GRM5: variants seen among roughly 807,000 people sequenced by gnomAD.
The protein encoded by GRM5 is glutamate metabotropic receptor 5.
GRM5 carries 19 observed loss-of-function variants against 83.1 expected under a neutral mutation model. The ratio of observed to expected loss-of-function variants is 0.23; its 90% CI spans 0.16 to 0.34. The LOEUF is 0.34. Among genes scored for constraint, GRM5 ranks in the 10% least tolerant of loss-of-function variants. The pLI, the probability that GRM5 is intolerant of heterozygous loss-of-function variation, is 1.00. For missense variants in GRM5, 1,160 were observed against 1,588.3 expected, an observed-to-expected ratio of 0.73 and a Z score of 4.58; for synonymous variants, 675 against 633.6, an observed-to-expected ratio of 1.07 and a Z score of -0.98.
At chr11:88,550,116 TAGAAGA>T (rs1159661695) in intron 8 of GRM5, among the ~76,000 whole-genome samples, 2 of 151,888 alleles carry the variant, frequency 1.3e-5, no homozygotes, top group African/African-American at 4.8e-5. Flanking sequence ...AGAGAAGAAA[TAGAAGA>T]AGAAGAAGAA....
At chr11:88,989,453 A>G (rs11517537) in intron 2 of GRM5, among the ~76,000 whole-genome samples, 5,945 of 75,090 alleles carry the variant, frequency 0.079, 458 homozygotes, top group Middle Eastern at 0.24. Context: ...ACAGATCAAC[A>G]AGACAGAAAG....
At chr11:88,986,590 T>G (rs1455670111) in intron 2 of GRM5, among the ~76,000 whole-genome samples, 1 of 151,010 alleles carries the variant, frequency 6.6e-6, no homozygotes, top group Admixed American at 6.6e-5. Flanking sequence ...CTTACACATT[T>G]TTGGTATTAA....
At chr11:88,688,296 T>C (rs1467519384) in intron 3 of GRM5, among the ~76,000 whole-genome samples, 2 of 152,210 alleles carry the variant, frequency 1.3e-5, no homozygotes, top group Non-Finnish European at 2.9e-5. Context: ...ATATAATCTC[T>C]TTCAATTTTC....
intron 3 of GRM5, among the ~76,000 whole-genome samples, chr11:88,702,969 A>G (rs1419506987): frequency 6.6e-6 from 1 of 152,118 alleles, no homozygotes; most frequent in East Asian, 1.9e-4. Flanking sequence ...TGTTTAAGCC[A>G]TTCGATCGGT....
chr11:88,921,077 G>GT (rs33919966), intron 2 of GRM5, among the ~76,000 whole-genome samples: 93,593 of 150,808 alleles, frequency 0.62, 29,380 homozygotes, highest in South Asian at 0.76. Flanking sequence ...AGACCACTGC[G>GT]TTTTTTTTTA....
intron 2 of GRM5, among the ~76,000 whole-genome samples, chr11:88,980,160 G>A (rs1440598597): frequency 1.3e-5 from 2 of 152,068 alleles, no homozygotes; most frequent in Admixed American, 6.5e-5. Context: ...TTGCCTCCTA[G>A]TTTTATAATT....
At chr11:88,987,266 CG>C (rs896031906) in intron 2 of GRM5, among the ~76,000 whole-genome samples, 2 of 152,098 alleles carry the variant, frequency 1.3e-5, no homozygotes, top group Admixed American at 1.3e-4. Flanking sequence ...CCTGGAAAAT[CG>C]GGTCACTCCC....
chr11:89,009,929 A>AAAAC lies in GRM5; in HGVS notation c.661+37282_661+37283insGTTT, dbSNP rs752780249. 6.5e-3 allele frequency among the ~76,000 whole-genome samples: 661 copies of AAAAC among 102,278 alleles called. 57 individuals carry two copies. The highest frequency in any genetic ancestry group is 0.017 in the Middle Eastern group (2 of 120). 67.1% of individuals were successfully genotyped at this position (102,278 alleles called of 152,430 possible). A position where few individuals can be genotyped will look rare whatever the true frequency, so the allele number is the denominator to read the frequency against. On this transcript the variant is annotated intron_variant, in intron 2 of 9. Transcript: ENST00000305447. Reference sequence around the variant, plus strand: ...AAAAAAAAAAAAAAAAAAAAAAAAAAACACACACAAAATCAAAATGTTTAC... The same window carrying AAAAC: ...AAAAAAAAAAAAAAAAAAAAAAAAAAAAACACACACACAAAATCAAAATGTTTAC...
intron 3 of GRM5, among the ~76,000 whole-genome samples, chr11:88,772,719 G>A (rs945075180): frequency 6.6e-6 from 1 of 152,058 alleles, no homozygotes; most frequent in Non-Finnish European, 1.5e-5. Context: ...CTGTCCGAGC[G>A]ATAGTTTGCT....
At chr11:88,827,470 T>C (rs1051344580) in intron 3 of GRM5, among the ~76,000 whole-genome samples, 8 of 152,376 alleles carry the variant, frequency 5.3e-5, no homozygotes, top group African/African-American at 1.9e-4. Flanking sequence ...TATGTAAACT[T>C]TGCTTTAGGA....
intron 2 of GRM5, among the ~76,000 whole-genome samples, chr11:88,942,281 T>G (rs1938141260): frequency 1.3e-5 from 2 of 152,062 alleles, no homozygotes; most frequent in African/African-American, 4.8e-5. Flanking sequence ...TTCAAATGAT[T>G]TGGCAAGAGG....
chr11:88,719,322 G>GT, intron 3 of GRM5, among the ~76,000 whole-genome samples: 1 of 151,894 alleles, frequency 6.6e-6, no homozygotes, highest in Non-Finnish European at 1.5e-5. Context: ...GCAGTGTTTG[G>GT]TTTTCTGTTC....
chr11:89,036,207 C>G (rs1314074204), intron 2 of GRM5, among the ~76,000 whole-genome samples: 1 of 152,000 alleles, frequency 6.6e-6, no homozygotes, highest in Non-Finnish European at 1.5e-5. Flanking sequence ...CAGCATAATG[C>G]CTCTCAACAT....
intron 3 of GRM5, among the ~76,000 whole-genome samples, chr11:88,793,588 T>G (rs1024203299): frequency 6.6e-6 from 1 of 152,166 alleles, no homozygotes; most frequent in East Asian, 1.9e-4. Flanking sequence ...AAGAATAACA[T>G]TCCTAATGTG....
intron 4 of GRM5, among the ~76,000 whole-genome samples, chr11:88,616,394 T>G (rs1341455308): frequency 2.2e-5 from 2 of 91,132 alleles, no homozygotes; most frequent in African/African-American, 3.7e-5. Context: ...GGAGTGTTTT[T>G]TTTTTTTTTT....
rs116849568 is a variant in GRM5 at position 88,741,961 on chromosome 11, G to A, written c.912-88558C>T. Among the ~76,000 whole-genome samples the A allele has an allele frequency of 6.4e-3, 972 of 152,150 alleles. 17 individuals carry two copies. The highest frequency in any genetic ancestry group is 0.064 in the East Asian group (329 of 5,164). On this transcript the variant is annotated intron_variant, in intron 3 of 9. Coordinates refer to ENST00000305447, the MANE Select transcript of GRM5 (RefSeq NM_001143831.3). ...TTTAAAACAATATGGAAGTGGCCCA[G>A]CAAGATATCTACCCCAGTAAAAGAA...
At chr11:88,826,141 G>A (rs933292655) in intron 3 of GRM5, among the ~76,000 whole-genome samples, 5 of 152,106 alleles carry the variant, frequency 3.3e-5, no homozygotes, top group Non-Finnish European at 7.4e-5. Context: ...AGACCATTAT[G>A]ATGTCAAAAT....
rs1407022112 is a variant in GRM5, at chr11:88,567,559, G to A, written c.2124C>T (p.Ile708=). The change falls in exon 8 of 10, where the codon ATC becomes ATT. Residue 708 remains isoleucine, a synonymous_variant. Transcript: ENST00000305447. This position sits in a 1 kb window ranked among gnomAD's most constrained non-coding sequence, Gnocchi z 7.3. ...FILICIQLGI[I]VALFIMEPPD... The stretch of plus-strand genomic sequence containing the variant: ...GAGGCTCCATTATAAAGAGGGCAAC[G>A]ATGATGCCCAACTGGATGCATATGA... 16 of 1,613,574 alleles carry A rather than the reference G, an allele frequency of 9.9e-6. No individual in the cohort carries two copies. The highest frequency in any genetic ancestry group is 8.5e-6 in the Non-Finnish European group (10 of 1,179,470).
At chr11:88,695,293 A>G (rs960361366) in intron 3 of GRM5, among the ~76,000 whole-genome samples, 1 of 152,240 alleles carries the variant, frequency 6.6e-6, no homozygotes, top group Non-Finnish European at 1.5e-5. Flanking sequence ...GATGTTGAAA[A>G]AAAAAGATTG....
Sources: gnomAD v4.1 joint callset for allele counts (sites outside exome capture counted in the v4.1 genomes callset) on GRCh38, gnomAD v4.1.1 for gene constraint, Gnocchi (gnomAD v3.1) non-coding constraint, MANE v1.5 for transcripts, NCBI Gene and HGNC (gene_info 2026-07-23, HGNC 2026-07-21) for gene names.